The following PCDH15 variants were observed in gnomAD, a reference collection of about 807,000 sequenced individuals.
The protein encoded by PCDH15 is protocadherin-15.
PCDH15 carries 129 observed loss-of-function variants against 178.5 expected under a neutral mutation model. That is an observed-to-expected ratio of 0.72 (90% CI 0.63 to 0.84). PCDH15 has a LOEUF of 0.84. PCDH15 is among the 40% of genes least tolerant of loss of function. The pLI is 0.00. For missense variants in PCDH15, 2,230 were observed against 2,099.9 expected (o/e 1.06, Z -1.21); for synonymous variants, 800 against 732.0 (o/e 1.09, Z -1.50).
At chr10:55,619,012 A>T (rs1052716128) in intron 2 of PCDH15, among the ~76,000 whole-genome samples, 2 of 152,090 alleles carry the variant, frequency 1.3e-5, no homozygotes, top group Admixed American at 6.5e-5. Flanking sequence ...TCATGTGCAC[A>T]TAACAAAAGC....
intron 21 of PCDH15, among the ~76,000 whole-genome samples, chr10:53,983,976 T>C (rs1352175143): frequency 1.3e-5 from 2 of 152,114 alleles, no homozygotes; most frequent in Non-Finnish European, 2.9e-5. Flanking sequence ...CTTCAGGGCC[T>C]GATTCTTTTG....
intron 28 of PCDH15, among the ~76,000 whole-genome samples, chr10:53,854,379 TA>T (rs2078588079): frequency 6.6e-6 from 1 of 152,032 alleles, no homozygotes; most frequent in Admixed American, 6.6e-5. Context: ...ACTGTACACT[TA>T]AAAATGTTTA....
At chr10:54,816,650 T>C (rs772857042) in intron 3 of PCDH15, among the ~76,000 whole-genome samples, 34 of 152,120 alleles carry the variant, frequency 2.2e-4, no homozygotes, top group Non-Finnish European at 4.9e-4. Flanking sequence ...AATTCACTTT[T>C]ATTAGTTCCA....
chr10:53,958,685 T>C (rs1278698554), intron 23 of PCDH15, among the ~76,000 whole-genome samples: 3 of 151,866 alleles, frequency 2.0e-5, no homozygotes, highest in Non-Finnish European at 2.9e-5. Context: ...AATAAGAAAA[T>C]AACTTTCTGT....
intron 2 of PCDH15, among the ~76,000 whole-genome samples, chr10:55,076,116 A>G (rs1420176226): frequency 6.6e-6 from 1 of 152,076 alleles, no homozygotes; most frequent in Non-Finnish European, 1.5e-5. Flanking sequence ...ACATGATTTT[A>G]TTTTTAAAAA....
At chr10:54,562,153 G>A (rs927246528) in intron 2 of PCDH15, among the ~76,000 whole-genome samples, 5 of 151,396 alleles carry the variant, frequency 3.3e-5, no homozygotes, top group Non-Finnish European at 7.4e-5. Flanking sequence ...ACCACACCCA[G>A]CTAATTTTTG....
chr10:54,756,997 A>C (rs1450209061), intron 1 of PCDH15, among the ~76,000 whole-genome samples: 1 of 33,760 alleles, frequency 3.0e-5, no homozygotes, highest in African/African-American at 1.0e-4. Context: ...GCTTGGCTTT[A>C]TGAAGCAAGC....
At chr10:54,579,937 C>A (rs2090885136) in intron 2 of PCDH15, among the ~76,000 whole-genome samples, 1 of 151,900 alleles carries the variant, frequency 6.6e-6, no homozygotes, top group African/African-American at 2.4e-5. Context: ...TGAAGACACA[C>A]AACATTTCAA....
intron 5 of PCDH15, among the ~76,000 whole-genome samples, chr10:54,354,021 T>C (rs1028977792): frequency 3.9e-5 from 6 of 152,204 alleles, no homozygotes; most frequent in Admixed American, 3.9e-4. Context: ...GTTTCGCTCT[T>C]GTTGGCCAGG....
intron 9 of PCDH15, among the ~76,000 whole-genome samples, chr10:54,234,472 G>A (rs192275901): frequency 6.6e-6 from 1 of 152,112 alleles, no homozygotes. Context: ...AGGATCGCTT[G>A]AACCCAGGAA....
At chr10:54,449,264 T>C (rs921391396) in intron 3 of PCDH15, among the ~76,000 whole-genome samples, 4 of 151,798 alleles carry the variant, frequency 2.6e-5, no homozygotes, top group African/African-American at 9.7e-5. Context: ...AATAATACCA[T>C]GTAAGTAATA....
At chr10:54,435,729 G>T (rs1353024296) in intron 3 of PCDH15, among the ~76,000 whole-genome samples, 2 of 152,068 alleles carry the variant, frequency 1.3e-5, no homozygotes, top group Non-Finnish European at 2.9e-5. Context: ...TCAGCACTTT[G>T]GGAGGCTGAG....
intron 1 of PCDH15, among the ~76,000 whole-genome samples, chr10:54,681,927 C>G (rs1056386312): frequency 6.6e-6 from 1 of 152,116 alleles, no homozygotes; most frequent in Non-Finnish European, 1.5e-5. Context: ...ATCCTCCAGA[C>G]AGTGGTAATT....
At chr10:54,266,353 C>T (rs910165234) in intron 8 of PCDH15, among the ~76,000 whole-genome samples, 1 of 151,706 alleles carries the variant, frequency 6.6e-6, no homozygotes, top group South Asian at 2.1e-4. Flanking sequence ...ATCAAAAAGA[C>T]AGAAATATAT....
chr10:53,808,967 GTTC>G lies in PCDH15; in HGVS notation c.4671+1586_4671+1588del, dbSNP rs774006219. On this transcript the variant is annotated intron_variant, in intron 37 of 37. Transcript: ENST00000644397. ...GGTCCACTTTCTTCTTCTTCTGAGTGTTCTTCTTCTTCCATCTTAGGTTCTTTT... is the reference window on the plus strand; with the variant it reads ...GGTCCACTTTCTTCTTCTTCTGAGTGTTCTTCTTCCATCTTAGGTTCTTTT... The G allele has an allele frequency of 9.6e-6, 15 of 1,558,862 alleles. No individual in the cohort carries two copies. The highest frequency in any genetic ancestry group is 5.8e-5 in the Admixed American group (3 of 51,338).
intron 2 of PCDH15, among the ~76,000 whole-genome samples, chr10:55,451,683 T>C (rs946959016): frequency 3.9e-5 from 6 of 152,150 alleles, no homozygotes; most frequent in African/African-American, 9.7e-5. Context: ...AAATTAAATA[T>C]ACACAGCTTG....
intron 3 of PCDH15, among the ~76,000 whole-genome samples, chr10:54,847,047 G>T (rs1192384901): frequency 1.3e-5 from 2 of 152,088 alleles, no homozygotes; most frequent in Non-Finnish European, 2.9e-5. Context: ...CTTGGCCTCA[G>T]CTTCAAATGA....
At chr10:54,665,126 T>C (rs1164769330) in intron 1 of PCDH15, among the ~76,000 whole-genome samples, 1 of 151,752 alleles carries the variant, frequency 6.6e-6, no homozygotes, top group Admixed American at 6.6e-5. Context: ...CTCAAATGCC[T>C]ACAGAGGACA....
In PCDH15 at chr10:54,611,217, A is replaced by G. The variant is rs1476232351; in HGVS notation, c.91+52955T>C. On this transcript the variant is annotated intron_variant, in intron 2 of 37. Transcript: ENST00000644397. Reference sequence around the variant, plus strand: ...GCCAAGTTATGTGTCTTTAAACACTATGGAGTCCCCTTGCAAAATTTAACA... The same window carrying G: ...GCCAAGTTATGTGTCTTTAAACACTGTGGAGTCCCCTTGCAAAATTTAACA... Among the ~76,000 whole-genome samples the G allele has an allele frequency of 3.3e-5, 5 of 151,790 alleles. No homozygotes were observed. In the Admixed American group the frequency reaches 3.3e-4, roughly 10 times the overall value.
Sources: allele counts gnomAD v4.1 joint callset (sites outside exome capture counted in the v4.1 genomes callset), GRCh38; gene constraint gnomAD v4.1.1; transcripts MANE v1.5; gene names NCBI Gene and HGNC (gene_info 2026-07-23, HGNC 2026-07-21).